Variants in COL19A1 observed in about 807,000 individuals in gnomAD.
The protein encoded by COL19A1 is collagen type XIX alpha 1 chain.
In COL19A1, 159 loss-of-function variants were observed where a neutral mutation model predicts 190.2. The ratio of observed to expected loss-of-function variants is 0.84; its 90% CI spans 0.73 to 0.95. The LOEUF is 0.95. Ranked by LOEUF, COL19A1 falls within the 40% of genes least tolerant of loss-of-function variation. COL19A1 has a pLI of 0.00. For synonymous variants in COL19A1, 509 were observed against 458.9 expected, an observed-to-expected ratio of 1.11 and a Z score of -1.39; for missense variants, 1,418 against 1,431.9, an observed-to-expected ratio of 0.99 and a Z score of 0.16.
At chr6:69,982,223 G>T (rs1562057506) in intron 11 of COL19A1, among the ~76,000 whole-genome samples, 1 of 151,602 alleles carries the variant, frequency 6.6e-6, no homozygotes, top group Non-Finnish European at 1.5e-5. Flanking sequence ...ATGGAGTCTT[G>T]CTCTGTCTCC....
At chr6:70,120,493 A>T (rs1784824511) in intron 16 of COL19A1, among the ~76,000 whole-genome samples, 1 of 151,986 alleles carries the variant, frequency 6.6e-6, no homozygotes, top group African/African-American at 2.4e-5. Flanking sequence ...CAACCCCCCC[A>T]CTCAATGATT....
intron 40 of COL19A1, among the ~76,000 whole-genome samples, chr6:70,169,841 A>T (rs1022893151): frequency 2.0e-5 from 3 of 152,154 alleles, no homozygotes; most frequent in Non-Finnish European, 4.4e-5. Flanking sequence ...AGCTTCTCTG[A>T]ATCATTTAAA....
At chr6:69,881,834 G>T (rs1253541896) in intron 2 of COL19A1, among the ~76,000 whole-genome samples, 1 of 152,198 alleles carries the variant, frequency 6.6e-6, no homozygotes, top group African/African-American at 2.4e-5. Context: ...AGTATCATTT[G>T]CATTAATTGA....
At chr6:70,122,529 G>T (rs567911619) in intron 17 of COL19A1, among the ~76,000 whole-genome samples, 1 of 152,264 alleles carries the variant, frequency 6.6e-6, no homozygotes, top group African/African-American at 2.4e-5. Context: ...TGGCAGCCAA[G>T]AGAAGATCTA....
chr6:70,058,358 T>A (rs79124376), intron 14 of COL19A1, among the ~76,000 whole-genome samples: 1 of 152,066 alleles, frequency 6.6e-6, no homozygotes, highest in African/African-American at 2.4e-5. Flanking sequence ...ATAAAATTGT[T>A]CACCCAGTTA....
intron 4 of COL19A1, among the ~76,000 whole-genome samples, chr6:69,917,049 A>G (rs1448023525): frequency 1.3e-5 from 2 of 152,238 alleles, no homozygotes; most frequent in Non-Finnish European, 2.9e-5. Flanking sequence ...GTATAGAACT[A>G]CAGGAAACTA....
At chr6:70,067,881 G>GA (rs745539057) in intron 14 of COL19A1, among the ~76,000 whole-genome samples, 59 of 148,912 alleles carry the variant, frequency 4.0e-4, no homozygotes, top group African/African-American at 1.1e-3. Context: ...GTTATGATCT[G>GA]AAAAAAAAAG....
chr6:70,192,689 T>C (rs1766957544), intron 48 of COL19A1, among the ~76,000 whole-genome samples: 1 of 152,162 alleles, frequency 6.6e-6, no homozygotes, highest in Admixed American at 6.5e-5. Flanking sequence ...CAGTGCACAG[T>C]GAAAATGCTG....
chr6:70,195,209 CA>C (rs544764840), intron 48 of COL19A1, among the ~76,000 whole-genome samples: 292 of 148,236 alleles, frequency 2.0e-3, no homozygotes, highest in African/African-American at 6.5e-3. Context: ...CTGTTTCTTC[CA>C]ATTTGCTTCT....
At chr6:70,155,869 A>G (rs1219201556) in intron 31 of COL19A1, among the ~76,000 whole-genome samples, 2 of 152,094 alleles carry the variant, frequency 1.3e-5, no homozygotes, top group African/African-American at 4.8e-5. Flanking sequence ...TTTTCTATTT[A>G]AGTGTCATTG....
At position 70,145,431 on chromosome 6, in the gene COL19A1, C is replaced by T. The variant is rs774393997; in HGVS notation, c.1770+424C>T. Among the ~76,000 whole-genome samples, 5 of 152,164 alleles carry T rather than the reference C, an allele frequency of 3.3e-5. No individual in the cohort carries two copies. The East Asian group carries it at 5.8e-4, about 18-fold the overall frequency. On this transcript the variant is annotated intron_variant, in intron 25 of 50. Coordinates refer to ENST00000620364, the MANE Select transcript of COL19A1 (RefSeq NM_001858.6). ...AGCAAATTAATGCAGAAACAGAAAA[C>T]GAAATACTACATGTCCTCACTTATA...
chr6:70,136,186 C>A (rs1785857351), intron 18 of COL19A1, among the ~76,000 whole-genome samples: 1 of 152,074 alleles, frequency 6.6e-6, no homozygotes. Flanking sequence ...CTATCCATTA[C>A]AGAAAATCAC....
intron 2 of COL19A1, among the ~76,000 whole-genome samples, chr6:69,885,193 CCT>C (rs1334072422): frequency 6.6e-6 from 1 of 152,148 alleles, no homozygotes; most frequent in African/African-American, 2.4e-5. Flanking sequence ...CCCCCCACCA[CCT>C]CTGTAAGTTG....
intron 15 of COL19A1, among the ~76,000 whole-genome samples, chr6:70,084,233 A>T (rs760014029): frequency 1.3e-5 from 2 of 152,188 alleles, no homozygotes; most frequent in Non-Finnish European, 2.9e-5. Context: ...GTTGGTGAAG[A>T]TAACTAACTT....
intron 12 of COL19A1, 41 bp downstream of exon 12, chr6:70,023,721 A>C: frequency 1.3e-6 from 2 of 1,560,114 alleles, no homozygotes; most frequent in Non-Finnish European, 1.8e-6. Flanking sequence ...TTTACATTTT[A>C]CCACTAAGAT....
intron 12 of COL19A1, among the ~76,000 whole-genome samples, chr6:70,025,959 C>G (rs1778711508): frequency 6.6e-6 from 1 of 152,114 alleles, no homozygotes; most frequent in African/African-American, 2.4e-5. Flanking sequence ...AGGATACTAA[C>G]TTGTGAGAAA....
At chr6:70,056,378 C>G (rs1360517103) in intron 14 of COL19A1, among the ~76,000 whole-genome samples, 1 of 152,126 alleles carries the variant, frequency 6.6e-6, no homozygotes, top group East Asian at 1.9e-4. Context: ...CCTATGGATT[C>G]TTTTTCCTCT....
At chr6:70,179,956 C>A (rs985922676) in intron 42 of COL19A1, among the ~76,000 whole-genome samples, 1 of 152,152 alleles carries the variant, frequency 6.6e-6, no homozygotes, top group South Asian at 2.1e-4. Flanking sequence ...GATCTCAGCT[C>A]ACTGCAACCT....
At chr6:69,882,193 T>A (rs2149947608) in intron 2 of COL19A1, among the ~76,000 whole-genome samples, 1 of 152,356 alleles carries the variant, frequency 6.6e-6, no homozygotes. Flanking sequence ...TACCTGGAAT[T>A]GTCACAGTTG....
Sources: allele counts gnomAD v4.1 joint callset (sites outside exome capture counted in the v4.1 genomes callset), GRCh38; gene constraint gnomAD v4.1.1; transcripts MANE v1.5; gene names NCBI Gene and HGNC (gene_info 2026-07-23, HGNC 2026-07-21).